SLC5A12: variants seen among roughly 807,000 people sequenced by gnomAD.
SLC5A12 encodes the protein solute carrier family 5 member 12.
Under a neutral mutation model 72.7 loss-of-function variants are expected in SLC5A12, and 46 were observed. The ratio of observed to expected loss-of-function variants is 0.63; its 90% CI spans 0.50 to 0.81. The LOEUF is 0.81. Ranked by LOEUF, SLC5A12 falls within the 30% of genes least tolerant of loss-of-function variation. SLC5A12 has a pLI of 0.00. For synonymous variants in SLC5A12, 275 were observed against 264.4 expected (o/e 1.04, Z -0.39); for missense variants, 683 against 740.7 (o/e 0.92, Z 0.90).
chr11:26,709,150 C>G, intron 4 of SLC5A12, 162 bp downstream of exon 4: 1 of 494,088 alleles, frequency 2.0e-6, no homozygotes, highest in Non-Finnish European at 3.6e-6. Context: ...GAATGTTAAA[C>G]AACAGCACCT....
At chr11:26,680,308 T>C (rs1436110852) in intron 12 of SLC5A12, among the ~76,000 whole-genome samples, 1 of 114,382 alleles carries the variant, frequency 8.7e-6, no homozygotes, top group Non-Finnish European at 1.7e-5. Context: ...TATATTCATA[T>C]ATATATATGT....
Position 26,703,632 on chromosome 11 carries a change from A to G in SLC5A12, c.720T>C (p.Thr240=). Residue 240 remains threonine (T), a synonymous_variant, in exon 6 of 15, where the codon ACT becomes ACC. Transcript: ENST00000396005. ...VDPLRRHTFW[T]ITVGGTFTWL... is the part of the protein sequence containing the mutation. ...AAGTAAAAGTTCCTCCCACTGTGAT[A>G]GTCCAAAAAGTGTGTCGCCTGAGAG... 6.2e-7 allele frequency: 1 copy of G among 1,613,956 alleles called. No individual in the cohort carries two copies. Among genetic ancestry groups the G allele is most frequent in the Non-Finnish European group, 8.5e-7 (1 of 1,179,912 alleles).
intron 14 of SLC5A12, among the ~76,000 whole-genome samples, chr11:26,671,735 T>A (rs67567426): frequency 0.065 from 9,902 of 152,166 alleles, 347 homozygotes; most frequent in Middle Eastern, 0.12. Context: ...CCCTTTCAAC[T>A]TATCCTTGAG....
intron 2 of SLC5A12, 48 bp downstream of exon 2, chr11:26,712,593 T>G: frequency 7.1e-7 from 1 of 1,399,012 alleles, no homozygotes; most frequent in Non-Finnish European, 9.8e-7. Flanking sequence ...CAAACCTATA[T>G]CTAGTAACCT....
intron 8 of SLC5A12, among the ~76,000 whole-genome samples, chr11:26,693,997 C>G (rs973329826): frequency 1.3e-5 from 2 of 152,134 alleles, no homozygotes; most frequent in Admixed American, 6.6e-5. Context: ...TCTCAATATA[C>G]TTCTTGTGAA....
At chr11:26,689,052 T>C (rs754235994) in intron 9 of SLC5A12, among the ~76,000 whole-genome samples, 16 of 147,100 alleles carry the variant, frequency 1.1e-4, no homozygotes, top group Non-Finnish European at 1.9e-4. Context: ...CAAAACATCA[T>C]GTAATCTCAA....
rs750345745 is a variant in SLC5A12 at position 26,671,086 on chromosome 11, T to A, written c.*16A>T. ...GTGTATTGCACGTGTGTGTGTGCAT[T>A]CATACAGGTATTGCCTTAGAAATGG... On this transcript the variant is annotated 3_prime_UTR_variant, in exon 15 of 15. Transcript: ENST00000396005. 5 of 1,545,612 alleles carry A rather than the reference T, an allele frequency of 3.2e-6. No individual in the cohort carries two copies. In the South Asian group the frequency reaches 5.7e-5, roughly 18 times the overall value.
Position 26,668,320 on chromosome 11 carries a change from GGTGA to G in SLC5A12, c.*2778_*2781del, listed in dbSNP as rs1854047028. 6.6e-6 allele frequency: 1 copy of G among 151,970 alleles called. No individual in the cohort carries two copies. The highest frequency in any genetic ancestry group is 2.4e-5 in the African/African-American group (1 of 41,408). The allele number at this position is 151,970 out of a possible 1,614,324, so 9.4% of individuals were successfully genotyped here. A position where few individuals can be genotyped will look rare whatever the true frequency, so the allele number is the denominator to read the frequency against. Reference sequence around the variant, plus strand: ...TGTGGTTGTGCTTTAAAGGTACAGTGGTGAGTATCAAGTTTGGAACATTTTAGGC... The same window carrying G: ...TGTGGTTGTGCTTTAAAGGTACAGTGGTATCAAGTTTGGAACATTTTAGGC... On this transcript the variant is annotated 3_prime_UTR_variant, in exon 15 of 15. Transcript: ENST00000396005.
intron 4 of SLC5A12, among the ~76,000 whole-genome samples, chr11:26,708,847 G>A (rs1419246313): frequency 6.6e-6 from 1 of 151,948 alleles, no homozygotes; most frequent in Admixed American, 6.6e-5. Flanking sequence ...AGAAATACAA[G>A]ACAAAAACAA....
At chr11:26,715,257 C>A (rs117766808) in intron 1 of SLC5A12, among the ~76,000 whole-genome samples, 336 of 152,246 alleles carry the variant, frequency 2.2e-3, no homozygotes, top group Admixed American at 3.7e-3. Context: ...TGTTCCAGTA[C>A]ATGTTGATGG....
chr11:26,685,879 A>C (rs1231804274), intron 10 of SLC5A12, among the ~76,000 whole-genome samples: 1 of 152,128 alleles, frequency 6.6e-6, no homozygotes, highest in Non-Finnish European at 1.5e-5. Flanking sequence ...TCCTTTTAGC[A>C]CTGATATTTT....
In SLC5A12 at chr11:26,721,397, A is replaced by G; in HGVS notation, c.318T>C (p.Ser106=). The change falls in exon 1 of 15, where the codon TCT becomes TCC. Residue 106 remains serine (S), a synonymous_variant. Transcript: ENST00000396005. Reference sequence around the variant, plus strand: ...TTACCTCATAAGTGCTGGTGATACCAGATCTGTAGAACACAGGGAGAAAGA... The same window carrying G: ...TTACCTCATAAGTGCTGGTGATACCGGATCTGTAGAACACAGGGAGAAAGA... ...SELFLPVFYR[S]GITSTYEYLQ... is the part of the protein sequence containing the mutation. 6.2e-7 allele frequency: 1 copy of G among 1,612,854 alleles called. No individual in the cohort carries two copies. The highest frequency in any genetic ancestry group is 8.5e-7 in the Non-Finnish European group (1 of 1,179,246).
At chr11:26,683,939 C>T in intron 10 of SLC5A12, 96 bp from the exon 11 acceptor site, 1 of 916,258 alleles carries the variant, frequency 1.1e-6, no homozygotes, top group Admixed American at 2.1e-5. Flanking sequence ...AATATTGGGT[C>T]CTAGTCCTGA....
At chr11:26,682,601 G>A (rs1854435556) in intron 11 of SLC5A12, among the ~76,000 whole-genome samples, 1 of 152,076 alleles carries the variant, frequency 6.6e-6, no homozygotes, top group Non-Finnish European at 1.5e-5. Context: ...CTTAGAGGCT[G>A]GTGCAGGGTA....
chr11:26,709,987 G>C (rs929431908), intron 3 of SLC5A12, among the ~76,000 whole-genome samples: 1 of 152,022 alleles, frequency 6.6e-6, no homozygotes, highest in Non-Finnish European at 1.5e-5. Flanking sequence ...ATCCACATTA[G>C]GTATTTCTCC....
At position 26,686,536 on chromosome 11, in the gene SLC5A12, A is replaced by C; in HGVS notation, c.1162T>G (p.Phe388Val). 6.2e-7 allele frequency: 1 copy of C among 1,613,904 alleles called. No individual in the cohort carries two copies. The highest frequency in any genetic ancestry group is 1.1e-5 in the South Asian group (1 of 91,068). The change falls in exon 10 of 15, where the codon TTT becomes GTT. Residue 388 changes from phenylalanine to valine, a missense_variant. Phe to Val is a conservative substitution (Grantham distance 50, BLOSUM62 -1). Transcript: ENST00000396005. ...GCCATAGAGGTACACATCACGCCAAATAAGAGACCTGAAAGAAAGAAAAAT... is the reference window on the plus strand; with the variant it reads ...GCCATAGAGGTACACATCACGCCAACTAAGAGACCTGAAAGAAAGAAAAAT... ...TWISKGLCLL[F>V]GVMCTSMAVA...
intron 4 of SLC5A12, among the ~76,000 whole-genome samples, chr11:26,706,611 T>C (rs912416423): frequency 6.6e-6 from 1 of 151,894 alleles, no homozygotes; most frequent in Non-Finnish European, 1.5e-5. Context: ...ACTTTGACTA[T>C]TTTATTTAAA....
Position 26,709,333 on chromosome 11 carries a change from A to G in SLC5A12, c.504T>C (p.Val168=). ...LWGSVFATGI[V]CTFYCTLGGL... ...ATACCAGGGTACAGTAGAATGTGCAAACAATTCCTGTTGCAAACACAGAGC... is the reference window on the plus strand; with the variant it reads ...ATACCAGGGTACAGTAGAATGTGCAGACAATTCCTGTTGCAAACACAGAGC... The change falls in exon 4 of 15, where the codon GTT becomes GTC. Residue 168 remains valine (V), a synonymous_variant. Coordinates refer to ENST00000396005, the MANE Select transcript of SLC5A12 (RefSeq NM_178498.4). 3.7e-6 allele frequency: 6 copies of G among 1,611,878 alleles called. No individual in the cohort carries two copies. Among genetic ancestry groups the G allele is most frequent in the Non-Finnish European group, 5.1e-6 (6 of 1,178,780 alleles).
chr11:26,706,497 G>GT (rs1352009838), intron 4 of SLC5A12, among the ~76,000 whole-genome samples: 2 of 151,898 alleles, frequency 1.3e-5, no homozygotes, highest in Non-Finnish European at 2.9e-5. Context: ...CTGATGTCAT[G>GT]TTTTTTGGTT....
Sources: gnomAD v4.1 joint callset for allele counts (sites outside exome capture counted in the v4.1 genomes callset) on GRCh38, gnomAD v4.1.1 for gene constraint, MANE v1.5 for transcripts, NCBI Gene and HGNC (gene_info 2026-07-23, HGNC 2026-07-21) for gene names.